The following TRA2A variants were observed in gnomAD, a reference collection of about 807,000 sequenced individuals.
TRA2A encodes transformer 2 alpha homolog.
A neutral mutation model predicts 45.7 loss-of-function variants in TRA2A; 31 were observed. The observed-to-expected ratio is 0.68, with a 90% CI of 0.51 to 0.92. The LOEUF is 0.92. Ranked by LOEUF, TRA2A falls within the 40% of genes least tolerant of loss-of-function variation. The pLI, the probability that TRA2A is intolerant of heterozygous loss-of-function variation, is 0.00. For missense variants in TRA2A, 304 were observed against 367.5 expected, an observed-to-expected ratio of 0.83 and a Z score of 1.41; for synonymous variants, 132 against 126.2, an observed-to-expected ratio of 1.05 and a Z score of -0.31.
At chr7:23,517,772 C>T (rs1789952927) in intron 2 of TRA2A, among the ~76,000 whole-genome samples, 1 of 151,200 alleles carries the variant, frequency 6.6e-6, no homozygotes, top group Non-Finnish European at 1.5e-5. Context: ...ATTAGCTGGG[C>T]GTGGTGGCGC....
intron 1 of TRA2A, among the ~76,000 whole-genome samples, chr7:23,527,146 T>A (rs1018772110): frequency 7.9e-5 from 12 of 152,144 alleles, no homozygotes; most frequent in African/African-American, 2.9e-4. Flanking sequence ...AGTTATACAG[T>A]ATTTATGAAT....
intron 4 of TRA2A, among the ~76,000 whole-genome samples, chr7:23,511,227 T>G (rs1789586972): frequency 6.6e-6 from 1 of 151,466 alleles, no homozygotes; most frequent in African/African-American, 2.4e-5. Flanking sequence ...AAAAATTAGC[T>G]GGACATGGTG....
chr7:23,517,503 A>AAAAAAAAAAAAAAAAAAAAAG lies in TRA2A; in HGVS notation c.171-976_171-975insCTTTTTTTTTTTTTTTTTTTT, dbSNP rs764849438. ...AAAAAAAAAAAAAAAAAAAAAAAAA[A>AAAAAAAAAAAAAAAAAAAAAG]AGAGAGAAAGAAAGAAAAATCACTT... On this transcript the variant is annotated intron_variant, in intron 2 of 7. Transcript: ENST00000297071. Among the ~76,000 whole-genome samples the AAAAAAAAAAAAAAAAAAAAAG allele has an allele frequency of 4.0e-4, 47 of 116,240 alleles. 6 individuals are homozygous for AAAAAAAAAAAAAAAAAAAAAG. The highest frequency in any genetic ancestry group is 6.8e-4 in the African/African-American group (21 of 30,880). 76.3% of individuals were successfully genotyped at this position (116,240 alleles called of 152,430 possible). A position where few individuals can be genotyped will look rare whatever the true frequency, so the allele number is the denominator to read the frequency against.
intron 1 of TRA2A, among the ~76,000 whole-genome samples, chr7:23,530,377 A>C (rs1291653029): frequency 6.6e-6 from 1 of 152,204 alleles, no homozygotes; most frequent in African/African-American, 2.4e-5. Context: ...TCTTTCCTCA[A>C]AGAGAACTAA....
intron 4 of TRA2A, among the ~76,000 whole-genome samples, chr7:23,511,333 T>C (rs937786672): frequency 3.2e-4 from 40 of 123,354 alleles, no homozygotes; most frequent in African/African-American, 1.1e-3. Context: ...ATCGCGCCAC[T>C]GCACTCCAGC....
chr7:23,508,826 G>A (rs1028940956), intron 4 of TRA2A, among the ~76,000 whole-genome samples: 5 of 151,546 alleles, frequency 3.3e-5, no homozygotes, highest in Non-Finnish European at 7.4e-5. Context: ...GACAAGATCT[G>A]TTGCCCAGGC....
At chr7:23,505,712 G>A (rs376761221) in intron 7 of TRA2A, 34 bp downstream of exon 7, 114 of 1,411,926 alleles carry the variant, frequency 8.1e-5, no homozygotes, top group Non-Finnish European at 1.0e-4. Flanking sequence ...TTAGAAATGA[G>A]GTTTTTTATG....
chr7:23,524,773 C>T (rs1790273366), intron 1 of TRA2A, among the ~76,000 whole-genome samples: 1 of 151,862 alleles, frequency 6.6e-6, no homozygotes. Context: ...CTCACTGCAA[C>T]CTCCGCCTCC....
chr7:23,512,772 TTAA>T, intron 4 of TRA2A, 119 bp downstream of exon 4: 1 of 872,004 alleles, frequency 1.1e-6, no homozygotes, highest in Non-Finnish European at 1.6e-6. Context: ...GATCCTATCT[TTAA>T]AAAAAAAAAA....
rs780213919 is a variant in TRA2A at position 23,521,762 on chromosome 7, G to C, written c.115C>G (p.Pro39Ala). The C allele has an allele frequency of 1.2e-6, 2 of 1,614,068 alleles. No individual in the cohort carries two copies. The highest frequency in any genetic ancestry group is 1.7e-6 in the Non-Finnish European group (2 of 1,179,992). ...KSESRSGSRSPSRVSKHSESH... is the reference protein window; with the variant it reads ...KSESRSGSRSASRVSKHSESH... ...TCAGAGTGTTTGGAAACCCTTGATGGACTACGAGATCCTGACCTGCTCTCC... is the reference window on the plus strand; with the variant it reads ...TCAGAGTGTTTGGAAACCCTTGATGCACTACGAGATCCTGACCTGCTCTCC... The change falls in exon 2 of 8, where the codon CCA becomes GCA. Residue 39 changes from proline (P) to alanine (A), a missense_variant. Physicochemically the swap from Pro to Ala is conservative, Grantham distance 27. Coordinates refer to ENST00000297071, the MANE Select transcript of TRA2A (RefSeq NM_013293.5).
At chr7:23,519,080 G>C (rs1790016944) in intron 2 of TRA2A, among the ~76,000 whole-genome samples, 1 of 152,172 alleles carries the variant, frequency 6.6e-6, no homozygotes, top group Admixed American at 6.6e-5. Flanking sequence ...GTTGCTTGCA[G>C]TCCTTTCTTT....
At chr7:23,531,560 A>G in intron 1 of TRA2A, 1 of 593,982 alleles carries the variant, frequency 1.7e-6, no homozygotes. Flanking sequence ...AAGAGGACCC[A>G]GAAGTCCAGG....
At chr7:23,506,095 C>A (rs375838668) in intron 6 of TRA2A, 43 bp downstream of exon 6, 42 of 1,531,740 alleles carry the variant, frequency 2.7e-5, no homozygotes, top group Non-Finnish European at 3.5e-5. Context: ...AGTAACACTA[C>A]TATCATCTAA....
chr7:23,505,437 A>C lies in TRA2A; in HGVS notation c.*122T>G, dbSNP rs1295794718. 5.6e-6 allele frequency: 3 copies of C among 539,302 alleles called. No homozygotes were observed. The African/African-American group carries it at 6.0e-5, about 11-fold the overall frequency. 33.4% of individuals were successfully genotyped at this position (539,302 alleles called of 1,614,324 possible). On this transcript the variant is annotated 3_prime_UTR_variant, in exon 8 of 8. Coordinates refer to ENST00000297071, the MANE Select transcript of TRA2A (RefSeq NM_013293.5). Reference sequence around the variant, plus strand: ...ACAACTGACAAAAGTGTAGATGCTAAATAAACCAAAGTTTTTTTCTTAAGG... The same window carrying C: ...ACAACTGACAAAAGTGTAGATGCTACATAAACCAAAGTTTTTTTCTTAAGG...
chr7:23,509,800 A>C (rs1789513449), intron 4 of TRA2A, among the ~76,000 whole-genome samples: 1 of 152,042 alleles, frequency 6.6e-6, no homozygotes, highest in Non-Finnish European at 1.5e-5. Context: ...TGGGGAGGCC[A>C]AATCACTTGA....
At chr7:23,520,990 G>C (rs1229183983) in intron 2 of TRA2A, among the ~76,000 whole-genome samples, 2 of 152,148 alleles carry the variant, frequency 1.3e-5, no homozygotes, top group East Asian at 3.8e-4. Context: ...ACTGCACCCA[G>C]CCTGTCTTAA....
intron 1 of TRA2A, chr7:23,531,220 T>G: frequency 2.0e-6 from 2 of 987,122 alleles, no homozygotes; most frequent in Non-Finnish European, 2.4e-6. Context: ...CTCAAGGCTT[T>G]CGCCTTTTTA....
At chr7:23,515,199 C>T (rs1342288105) in intron 3 of TRA2A, among the ~76,000 whole-genome samples, 3 of 149,724 alleles carry the variant, frequency 2.0e-5, no homozygotes, top group Admixed American at 6.6e-5. Context: ...TTATGCTTTT[C>T]ACTTGAATTC....
chr7:23,510,920 T>C (rs1789571535), intron 4 of TRA2A, among the ~76,000 whole-genome samples: 1 of 152,026 alleles, frequency 6.6e-6, no homozygotes, highest in African/African-American at 2.4e-5. Flanking sequence ...ACTAAAGTAC[T>C]AGTTTGTTAG....
Sources: allele counts gnomAD v4.1 joint callset (sites outside exome capture counted in the v4.1 genomes callset), GRCh38; gene constraint gnomAD v4.1.1; transcripts MANE v1.5; gene names NCBI Gene and HGNC (gene_info 2026-07-23, HGNC 2026-07-21).